Variants in ARMCX4 observed in about 807,000 individuals in gnomAD.
ARMCX4 encodes the protein armadillo repeat containing X-linked 4.
A neutral mutation model predicts 34.7 loss-of-function variants in ARMCX4; 3 were observed. The ratio of observed to expected loss-of-function variants is 0.09; its 90% CI spans 0.04 to 0.22. The LOEUF (loss-of-function observed/expected upper bound fraction) is 0.22, where lower values mean the gene tolerates loss of function less well. Among genes scored for constraint, ARMCX4 ranks in the 10% least tolerant of loss-of-function variants. ARMCX4 has a pLI of 1.00. For missense variants in ARMCX4, 1,448 were observed against 1,720.8 expected (o/e 0.84, Z 2.81); for synonymous variants, 513 against 632.8 (o/e 0.81, Z 2.84).
chrX:101,489,816 C>T lies in ARMCX4; in HGVS notation c.1227C>T (p.His409=), dbSNP rs782146106. ...AGCCTCAAGCTGTTGCCAGTACTCA[C>T]GCTGAGGCCATGTCTGATGCTAAGG... is the stretch of plus-strand genomic sequence containing the variant. The part of the protein sequence containing the change: ...AAQPQAVAST[H]AEAMSDAKVK... Residue 409 remains histidine (H), a synonymous_variant, in exon 6 of 6, where the codon CAC becomes CAT. Coordinates refer to ENST00000423738, the MANE Select transcript of ARMCX4 (RefSeq NM_001256155.3). 13 of 1,154,211 alleles carry T rather than the reference C, an allele frequency of 1.1e-5. No individual in the cohort carries two copies. The highest frequency in any genetic ancestry group is 2.3e-4 in the Middle Eastern group (1 of 4,305).
downstream of ARMCX4, among the ~76,000 whole-genome samples, chrX:101,446,878 C>T (rs782815826): frequency 9.1e-6 from 1 of 110,479 alleles, no homozygotes; most frequent in South Asian, 3.9e-4. Context: ...CGCTTGAACC[C>T]GGGCAGCAGA....
chrX:101,530,572 T>C (rs187942919), intron 11 of ARMCX4, among the ~76,000 whole-genome samples: 99 of 112,194 alleles, frequency 8.8e-4, no homozygotes, highest in African/African-American at 3.1e-3. Flanking sequence ...TCATTTCTTC[T>C]AGGGGAACAA....
chrX:101,531,125 T>G (rs1407114336), intron 11 of ARMCX4, among the ~76,000 whole-genome samples: 1 of 111,912 alleles, frequency 8.9e-6, no homozygotes, highest in African/African-American at 3.2e-5. Context: ...GCGGCCTGAA[T>G]TCCACTGTTT....
Position 101,489,719 on chromosome X carries a change from G to C in ARMCX4, c.1130G>C (p.Arg377Thr). 1 of 1,154,667 alleles carries C rather than the reference G, an allele frequency of 8.7e-7. No individual in the cohort carries two copies. Residue 377 changes from arginine (R) to threonine (T), a missense_variant, in exon 6 of 6, where the codon AGG (arginine) becomes ACG (threonine). This residue lies in a region of ARMCX4 where 1,343 missense variants were observed against 1,540.7 expected (regional missense o/e 0.87). Transcript: ENST00000423738. ...CAGGCTGAGGTGACGTCTGGTGCCA[G>C]GGTTGATGGTAGGGGAAATACCAAT... is the stretch of plus-strand genomic sequence containing the variant. ...KKQAEVTSGA[R>T]VDGRGNTNVI... is the part of the protein sequence containing the mutation.
chrX:101,534,619 CTTTA>C (rs782284141), downstream of ARMCX4, among the ~76,000 whole-genome samples: 25 of 109,593 alleles, frequency 2.3e-4, no homozygotes, highest in Admixed American at 7.8e-4. Context: ...AAAGATGGCA[CTTTA>C]TTTTTTATTT....
chrX:101,514,314 A>G (rs1307675116), intron 11 of ARMCX4, among the ~76,000 whole-genome samples: 5 of 111,274 alleles, frequency 4.5e-5, no homozygotes, highest in African/African-American at 1.6e-4. Flanking sequence ...AAACCTGGCT[A>G]TGAAAAAAAT....
At chrX:101,460,229 T>C (rs970686096) in intron 4 of ARMCX4, among the ~76,000 whole-genome samples, 2 of 112,443 alleles carry the variant, frequency 1.8e-5, no homozygotes, top group African/African-American at 6.5e-5. Context: ...GCCCATGACC[T>C]GGGCCATTCA....
intron 4 of ARMCX4, among the ~76,000 whole-genome samples, chrX:101,471,140 GA>G (rs1208739195): frequency 8.9e-6 from 1 of 111,910 alleles, no homozygotes; most frequent in African/African-American, 3.2e-5. Flanking sequence ...TTTTACAATG[GA>G]TTTTTCTTTT....
intron 2 of ARMCX4, among the ~76,000 whole-genome samples, chrX:101,429,797 T>A (rs1217989886): frequency 1.8e-5 from 2 of 112,019 alleles, no homozygotes; most frequent in Non-Finnish European, 3.8e-5. Context: ...ATTAAATAAC[T>A]CTTTTTATTG....
At chrX:101,523,806 C>T (rs1389574124) in intron 11 of ARMCX4, among the ~76,000 whole-genome samples, 1 of 112,098 alleles carries the variant, frequency 8.9e-6, no homozygotes, top group Admixed American at 9.5e-5. Flanking sequence ...TTTGTAATAA[C>T]TCTGTTTTTT....
intron 11 of ARMCX4, among the ~76,000 whole-genome samples, chrX:101,530,596 T>G (rs1401710670): frequency 8.9e-6 from 1 of 112,465 alleles, no homozygotes; most frequent in Non-Finnish European, 1.9e-5. Context: ...TTTGAATGAC[T>G]GTGATTTTCT....
At chrX:101,529,927 G>C (rs958247010) in intron 11 of ARMCX4, among the ~76,000 whole-genome samples, 2 of 111,639 alleles carry the variant, frequency 1.8e-5, no homozygotes, top group African/African-American at 3.3e-5. Flanking sequence ...ACAGTGTGGC[G>C]GTTCCTCAGG....
intron 4 of ARMCX4, among the ~76,000 whole-genome samples, chrX:101,453,977 G>T (rs1932127920): frequency 9.0e-6 from 1 of 110,757 alleles, no homozygotes; most frequent in South Asian, 3.8e-4. Context: ...ACCTCTGTAA[G>T]CCAGATGTTG....
chrX:101,463,722 T>C (rs887826553), intron 4 of ARMCX4, among the ~76,000 whole-genome samples: 1 of 111,367 alleles, frequency 9.0e-6, no homozygotes, highest in Non-Finnish European at 1.9e-5. Flanking sequence ...ATTAAGTGCC[T>C]ACTATGTGTA....
chrX:101,448,458 C>T (rs1467562308), downstream of ARMCX4, among the ~76,000 whole-genome samples: 2 of 112,432 alleles, frequency 1.8e-5, no homozygotes, highest in African/African-American at 6.5e-5. Flanking sequence ...TACATTCCCA[C>T]CAACAGTGTA....
intron 2 of ARMCX4, among the ~76,000 whole-genome samples, chrX:101,420,574 T>G (rs1453284470): frequency 9.0e-6 from 1 of 111,559 alleles, no homozygotes; most frequent in African/African-American, 3.3e-5. Flanking sequence ...AATGAGAGCC[T>G]ATAAAATAGG....
intron 8 of ARMCX4, among the ~76,000 whole-genome samples, chrX:101,506,063 G>A (rs782054503): frequency 2.7e-5 from 3 of 111,388 alleles, no homozygotes; most frequent in Non-Finnish European, 3.8e-5. Flanking sequence ...GGCTGGTCTC[G>A]AACTCCTGAC....
intron 4 of ARMCX4, among the ~76,000 whole-genome samples, chrX:101,458,354 T>C (rs1932421914): frequency 9.0e-6 from 1 of 110,984 alleles, no homozygotes; most frequent in African/African-American, 3.3e-5. Context: ...AAATAAGTAA[T>C]TTGAAATATT....
At chrX:101,501,992 G>A (rs1462576497) in intron 7 of ARMCX4, among the ~76,000 whole-genome samples, 4 of 112,562 alleles carry the variant, frequency 3.6e-5, no homozygotes, top group African/African-American at 1.3e-4. Context: ...TATGGGAAAG[G>A]CCCTATGGGA....
Sources: gnomAD v4.1 joint callset for allele counts (sites outside exome capture counted in the v4.1 genomes callset) on GRCh38, gnomAD v4.1.1 for gene constraint, gnomAD v4.1.1 regional missense constraint, MANE v1.5 for transcripts, NCBI Gene and HGNC (gene_info 2026-07-23, HGNC 2026-07-21) for gene names.